SPATA13: variants seen among roughly 807,000 people sequenced by gnomAD.
The protein encoded by SPATA13 is spermatogenesis-associated protein 13.
A neutral mutation model predicts 104.0 loss-of-function variants in SPATA13; 50 were observed. That is an observed-to-expected ratio of 0.48 (90% CI 0.38 to 0.61). The LOEUF is 0.61. Among genes scored for constraint, SPATA13 ranks in the 20% least tolerant of loss-of-function variants. The pLI is 0.00. For synonymous variants in SPATA13, 606 were observed against 667.5 expected (o/e 0.91, Z 1.42); for missense variants, 1,524 against 1,690.6 (o/e 0.90, Z 1.73).
At position 24,294,804 on chromosome 13, in the gene SPATA13, G is replaced by T. The variant is rs777744409; in HGVS notation, c.3146G>T (p.Arg1049Leu). 3 of 1,611,384 alleles carry T rather than the reference G, an allele frequency of 1.9e-6. No individual in the cohort carries two copies. The highest frequency in any genetic ancestry group is 1.7e-6 in the Non-Finnish European group (2 of 1,177,638). ...AATGTGGCCTGTCTGATCAACGAGC[G>T]CAAGCGCAAGCTGGAGAGCATCGAC... The part of the protein sequence containing the change: ...MKNVACLINE[R>L]KRKLESIDKI... The change falls in exon 10 of 13, where the codon CGC becomes CTC. Residue 1049 changes from arginine to leucine, a missense_variant. This residue lies in a region of SPATA13 where 435 missense variants were observed against 554.8 expected (regional missense o/e 0.78). Transcript: ENST00000382108.
intron 2 of SPATA13, among the ~76,000 whole-genome samples, chr13:24,228,108 CTTTTTTTTTTTT>C (rs71186818): frequency 2.9e-5 from 3 of 102,284 alleles, no homozygotes; most frequent in African/African-American, 9.4e-5. Flanking sequence ...CTCTTGTACT[CTTTTTTTTTTTT>C]TTTTTTTTTT....
rs556872813 is a variant in SPATA13, at chr13:24,007,060, C to T, written c.-146-10607C>T. Among the ~76,000 whole-genome samples, 9 of 152,290 alleles carry T rather than the reference C, an allele frequency of 5.9e-5. No individual in the cohort carries two copies. In the South Asian group the frequency reaches 1.5e-3, roughly 25 times the overall value. ...AGGCCAGCTTGTGCACAAGGCCTCC[C>T]GTCCAGTGTCCCCTCAGCTGAGTGT... On this transcript the variant is annotated intron_variant, in intron 2 of 14. Transcript: ENST00000424834.
intron 4 of SPATA13, chr13:24,270,636 T>C: frequency 2.0e-6 from 2 of 976,584 alleles, no homozygotes; most frequent in Non-Finnish European, 2.9e-6. Context: ...TCCCCCGCAA[T>C]GTCACTGTAG....
At chr13:24,047,074 G>A (rs148792416) in intron 3 of SPATA13, among the ~76,000 whole-genome samples, 120 of 152,280 alleles carry the variant, frequency 7.9e-4, no homozygotes, top group Admixed American at 1.5e-3. Flanking sequence ...GGATGAAATT[G>A]TAGGGGTGTG....
At position 24,189,929 on chromosome 13, in the gene SPATA13, T is replaced by TTA. The variant is rs1394794409; in HGVS notation, c.-112+29002_-112+29003dup. Among the ~76,000 whole-genome samples the TTA allele has an allele frequency of 3.5e-4, 21 of 59,440 alleles. 1 individual carries two copies. Among genetic ancestry groups the TTA allele is most frequent in the Admixed American group, 2.1e-3 (6 of 2,792 alleles). 39.0% of individuals were successfully genotyped at this position (59,440 alleles called of 152,430 possible). Reference sequence around the variant, plus strand: ...ATATTACATAATATATATTATATAATTATATAATATATTACATAATATATT... The same window carrying TTA: ...ATATTACATAATATATATTATATAATTATATATAATATATTACATAATATATT... On this transcript the variant is annotated intron_variant, in intron 1 of 12. Coordinates refer to ENST00000382108, the MANE Select transcript of SPATA13 (RefSeq NM_001166271.3).
chr13:24,216,788 T>C (rs973916016), intron 1 of SPATA13, among the ~76,000 whole-genome samples: 22 of 152,196 alleles, frequency 1.4e-4, no homozygotes, highest in African/African-American at 4.6e-4. Context: ...TGGTGGCTCA[T>C]GCCTGTAATC....
At chr13:24,288,055 G>A (rs1876087637) in intron 7 of SPATA13, among the ~76,000 whole-genome samples, 1 of 152,202 alleles carries the variant, frequency 6.6e-6, no homozygotes, top group South Asian at 2.1e-4. Context: ...ATGAGTGTGT[G>A]GCGAAAGAAG....
intron 4 of SPATA13, among the ~76,000 whole-genome samples, chr13:24,267,147 T>C (rs1230849838): frequency 6.6e-6 from 1 of 152,226 alleles, no homozygotes. Flanking sequence ...GGCTGGCAGA[T>C]GTGCCCATCC....
chr13:24,186,773 T>C (rs937087247), intron 1 of SPATA13, among the ~76,000 whole-genome samples: 8 of 152,124 alleles, frequency 5.3e-5, no homozygotes, highest in African/African-American at 1.9e-4. Context: ...AACAACGCTA[T>C]TGAGGCGGTT....
At chr13:24,074,556 C>G (rs1303589550) in intron 3 of SPATA13, among the ~76,000 whole-genome samples, 1 of 152,160 alleles carries the variant, frequency 6.6e-6, no homozygotes, top group African/African-American at 2.4e-5. Flanking sequence ...CTCTAACACA[C>G]ATTAACTCCT....
chr13:24,282,919 C>A (rs1006992774), intron 4 of SPATA13, among the ~76,000 whole-genome samples: 2 of 152,240 alleles, frequency 1.3e-5, no homozygotes, highest in Non-Finnish European at 2.9e-5. Context: ...AAAACCTCTT[C>A]TCTTTCTGTC....
chr13:24,222,765 G>A (rs1871664774), intron 1 of SPATA13, 54 bp from the exon 2 acceptor site: 1 of 1,441,840 alleles, frequency 6.9e-7, no homozygotes. Flanking sequence ...TCTGTGAGCA[G>A]AGGGGCTACT....
chr13:24,075,858 C>G (rs2137771752), intron 3 of SPATA13, among the ~76,000 whole-genome samples: 1 of 152,262 alleles, frequency 6.6e-6, no homozygotes, highest in Admixed American at 6.5e-5. Flanking sequence ...CACGCTGTCT[C>G]CCTTTATTGA....
At chr13:24,150,322 G>A (rs1159523580) in intron 3 of SPATA13, among the ~76,000 whole-genome samples, 3 of 152,182 alleles carry the variant, frequency 2.0e-5, no homozygotes, top group Non-Finnish European at 4.4e-5. Flanking sequence ...GCTCCTGCCA[G>A]TCCCCTAGAG....
At chr13:24,170,860 T>C (rs1044525809) in intron 1 of SPATA13, among the ~76,000 whole-genome samples, 1 of 152,006 alleles carries the variant, frequency 6.6e-6, no homozygotes, top group African/African-American at 2.4e-5. Context: ...CTCCGAAAAG[T>C]ATAGGTTTAT....
chr13:24,259,328 C>A (rs1194294257), intron 4 of SPATA13, among the ~76,000 whole-genome samples: 1 of 152,236 alleles, frequency 6.6e-6, no homozygotes, highest in Non-Finnish European at 1.5e-5. Context: ...GTGGAGCCAT[C>A]CCCACCTGCC....
intron 4 of SPATA13, among the ~76,000 whole-genome samples, chr13:24,277,728 T>A (rs575289599): frequency 2.6e-5 from 4 of 152,308 alleles, no homozygotes; most frequent in Admixed American, 1.3e-4. Flanking sequence ...TGCCAGGTAC[T>A]ATGCTAGGGG....
intron 2 of SPATA13, among the ~76,000 whole-genome samples, chr13:24,004,314 T>C (rs1020157281): frequency 3.3e-5 from 5 of 152,232 alleles, no homozygotes; most frequent in African/African-American, 1.2e-4. Flanking sequence ...CCAACACCTA[T>C]CTGCGCACTT....
intron 3 of SPATA13, among the ~76,000 whole-genome samples, chr13:24,064,963 G>A (rs1450232911): frequency 3.8e-5 from 5 of 132,228 alleles, no homozygotes; most frequent in Non-Finnish European, 8.1e-5. Flanking sequence ...TGAAAAACAT[G>A]GAAAGCCTGA....
Sources: allele counts gnomAD v4.1 joint callset (sites outside exome capture counted in the v4.1 genomes callset), GRCh38; gene constraint gnomAD v4.1.1; regional missense constraint gnomAD v4.1.1; transcripts MANE v1.5; gene names NCBI Gene and HGNC (gene_info 2026-07-23, HGNC 2026-07-21).